MYO16: variants seen among roughly 807,000 people sequenced by gnomAD.
The protein encoded by MYO16 is myosin XVI.
A neutral mutation model predicts 205.3 loss-of-function variants in MYO16; 94 were observed. The observed-to-expected ratio is 0.46, with a 90% CI of 0.39 to 0.54. The LOEUF is 0.54. Ranked by LOEUF, MYO16 falls within the 20% of genes least tolerant of loss-of-function variation. The pLI is 0.00. For synonymous variants in MYO16, 988 were observed against 954.0 expected (o/e 1.04, Z -0.66); for missense variants, 2,315 against 2,387.5 (o/e 0.97, Z 0.63).
intron 4 of MYO16, among the ~76,000 whole-genome samples, chr13:108,756,993 C>A (rs543956918): frequency 6.6e-6 from 1 of 152,266 alleles, no homozygotes; most frequent in East Asian, 1.9e-4. Flanking sequence ...TGTATCTGTT[C>A]TTTAAATCAC....
chr13:109,059,521 G>A (rs1170924018), intron 27 of MYO16, among the ~76,000 whole-genome samples: 1 of 152,110 alleles, frequency 6.6e-6, no homozygotes, highest in South Asian at 2.1e-4. Flanking sequence ...GTAAATTGAT[G>A]TGCTTTTTTT....
chr13:108,632,477 T>A (rs1880031467), intron 1 of MYO16, among the ~76,000 whole-genome samples: 1 of 152,156 alleles, frequency 6.6e-6, no homozygotes, highest in Non-Finnish European at 1.5e-5. Flanking sequence ...CAATAGCTAA[T>A]GCTCGCAAGG....
rs74119884 is a variant in MYO16 at position 109,173,259 on chromosome 13, T to C, written c.5324-6283T>C. 3.1e-3 allele frequency among the ~76,000 whole-genome samples: 479 copies of C among 152,206 alleles called. 4 individuals are homozygous for C. Among genetic ancestry groups the C allele is most frequent in the African/African-American group, 0.011 (458 of 41,524 alleles). ...CAAGATGACCTCTGTGTGTGAACAG[T>C]GAAAATACGGAGCACATTGAAAATA... On this transcript the variant is annotated intron_variant, in intron 33 of 34. Coordinates refer to ENST00000457511, the MANE Select transcript of MYO16 (RefSeq NM_001198950.3).
chr13:108,833,812 A>T (rs71440004), intron 9 of MYO16, among the ~76,000 whole-genome samples: 31,538 of 151,492 alleles, frequency 0.21, 4,210 homozygotes, highest in Non-Finnish European at 0.29. Context: ...ATTCTCATCT[A>T]TTTTTTTTCA....
intron 2 of MYO16, among the ~76,000 whole-genome samples, chr13:108,700,190 G>T (rs1401020537): frequency 6.6e-6 from 1 of 151,886 alleles, no homozygotes. Context: ...AAAATTAGCC[G>T]GGTGTGGTGG....
At chr13:108,837,213 T>C (rs1390117611) in intron 9 of MYO16, among the ~76,000 whole-genome samples, 1 of 152,154 alleles carries the variant, frequency 6.6e-6, no homozygotes, top group Non-Finnish European at 1.5e-5. Context: ...AGCATCTGGC[T>C]TTTCCCCTGT....
In MYO16 at chr13:108,933,639, GT is replaced by G. The variant is rs968869113; in HGVS notation, c.1925+23496del. On this transcript the variant is annotated intron_variant, in intron 16 of 34. Coordinates refer to ENST00000457511, the MANE Select transcript of MYO16 (RefSeq NM_001198950.3). ...TTAGATTTGTGGAGTACCTGTGCAG[GT>G]TTTTTTATCTGAGTATATTATGTGA... Among the ~76,000 whole-genome samples the G allele has an allele frequency of 4.6e-5, 7 of 151,858 alleles. No homozygotes were observed. In the East Asian group the frequency reaches 1.2e-3, roughly 25 times the overall value.
chr13:108,998,766 G>C (rs1303719803), intron 21 of MYO16, among the ~76,000 whole-genome samples: 1 of 152,148 alleles, frequency 6.6e-6, no homozygotes, highest in Non-Finnish European at 1.5e-5. Context: ...CTGGCTGTTG[G>C]CTGGGGGCCT....
At chr13:108,901,745 C>T (rs1294478756) in intron 15 of MYO16, among the ~76,000 whole-genome samples, 1 of 152,016 alleles carries the variant, frequency 6.6e-6, no homozygotes, top group East Asian at 1.9e-4. Context: ...TCTTTTAAAA[C>T]TCTGGCCAAA....
rs34991762 is a variant in MYO16 at position 108,759,819 on chromosome 13, C to CA, written c.508-25798dup. ...TGGGCGACACAGCGAGACTCCGTCTCAAAAAAAAAAAAAAAAAATCTGAAT... is the reference window on the plus strand; with the variant it reads ...TGGGCGACACAGCGAGACTCCGTCTCAAAAAAAAAAAAAAAAAAATCTGAAT... On this transcript the variant is annotated intron_variant, in intron 4 of 34. Coordinates refer to ENST00000457511, the MANE Select transcript of MYO16 (RefSeq NM_001198950.3). Among the ~76,000 whole-genome samples, 772 of 123,784 alleles carry CA rather than the reference C, an allele frequency of 6.2e-3. 8 individuals carry two copies. Among genetic ancestry groups the CA allele is most frequent in the Admixed American group, 0.026 (310 of 12,032 alleles). The allele number at this position is 123,784 out of a possible 152,430, so 81.2% of individuals were successfully genotyped here. A position where few individuals can be genotyped will look rare whatever the true frequency, so the allele number is the denominator to read the frequency against.
In MYO16 at chr13:108,946,112, G is replaced by C. The variant is rs2139327331; in HGVS notation, c.1926-11576G>C. 1.3e-5 allele frequency among the ~76,000 whole-genome samples: 2 copies of C among 152,136 alleles called. 1 individual carries two copies. Among genetic ancestry groups the C allele is most frequent in the East Asian group, 3.9e-4 (2 of 5,186 alleles). On this transcript the variant is annotated intron_variant, in intron 16 of 34. Transcript: ENST00000457511. ...AAGTAAGTGGAGTATTTAAATTTCT[G>C]TTTGTCAGTATTTTATTGTATCTCC...
At chr13:108,877,134 C>T (rs944225510) in intron 12 of MYO16, among the ~76,000 whole-genome samples, 4 of 152,110 alleles carry the variant, frequency 2.6e-5, no homozygotes, top group African/African-American at 9.7e-5. Flanking sequence ...AGACTTTTAA[C>T]TTATTTCTGT....
At chr13:108,995,099 T>C (rs1281771941) in intron 21 of MYO16, among the ~76,000 whole-genome samples, 1 of 152,188 alleles carries the variant, frequency 6.6e-6, no homozygotes, top group African/African-American at 2.4e-5. Context: ...TAGAACAAAA[T>C]ACCTTAGAGG....
intron 24 of MYO16, among the ~76,000 whole-genome samples, chr13:109,050,514 G>T (rs1056534139): frequency 1.3e-5 from 2 of 152,080 alleles, no homozygotes; most frequent in African/African-American, 2.4e-5. Flanking sequence ...TGTTATTAAT[G>T]AGTAATTTGT....
chr13:108,968,650 G>A (rs1883892517), intron 20 of MYO16, among the ~76,000 whole-genome samples: 1 of 152,030 alleles, frequency 6.6e-6, no homozygotes, highest in African/African-American at 2.4e-5. Flanking sequence ...AGACAATGGA[G>A]TAAGGCATTT....
chr13:108,577,369 G>T, the MYO16 span, among the ~76,000 whole-genome samples: 1 of 152,166 alleles, frequency 6.6e-6, no homozygotes, highest in East Asian at 1.9e-4. Flanking sequence ...AGGATAATGA[G>T]AGATCTCCTT....
chr13:108,532,346 T>C, the MYO16 span, among the ~76,000 whole-genome samples: 133 of 152,068 alleles, frequency 8.7e-4, no homozygotes, highest in Admixed American at 2.1e-3. Context: ...ATTAACAACA[T>C]GGAATTTATT....
intron 6 of MYO16, among the ~76,000 whole-genome samples, chr13:108,798,537 C>T (rs1886860391): frequency 6.6e-6 from 1 of 151,986 alleles, no homozygotes; most frequent in Non-Finnish European, 1.5e-5. Flanking sequence ...CACCATGTTA[C>T]AGAGTATATG....
rs1444996450 is a variant in MYO16 at position 108,609,594 on chromosome 13, A to C, written c.-39+13355A>C. On this transcript the variant is annotated intron_variant, in intron 1 of 24. Coordinates refer to the MYO16 transcript ENST00000251041. ...AGAGAAGGACTTCAGCAACATGAGC[A>C]CAGCAGAAGCCAAGATTCAGCCGCA... Among the ~76,000 whole-genome samples the C allele has an allele frequency of 3.3e-5, 5 of 152,372 alleles. No individual in the cohort carries two copies. In the East Asian group the frequency reaches 9.6e-4, roughly 29 times the overall value.
Sources: gnomAD v4.1 joint callset for allele counts (sites outside exome capture counted in the v4.1 genomes callset) on GRCh38, gnomAD v4.1.1 for gene constraint, MANE v1.5 for transcripts, NCBI Gene and HGNC (gene_info 2026-07-23, HGNC 2026-07-21) for gene names.